Variants in AUTS2 observed in about 807,000 individuals in gnomAD.
The protein encoded by AUTS2 is autism susceptibility gene 2 protein.
AUTS2 carries 17 observed loss-of-function variants against 112.4 expected under a neutral mutation model. The ratio of observed to expected loss-of-function variants is 0.15; its 90% CI spans 0.10 to 0.23. The LOEUF (loss-of-function observed/expected upper bound fraction) is 0.23, where lower values mean the gene tolerates loss of function less well. Ranked by LOEUF, AUTS2 falls within the 10% of genes least tolerant of loss-of-function variation. AUTS2 has a pLI of 1.00. For missense variants in AUTS2, 1,510 were observed against 1,701.6 expected (o/e 0.89, Z 1.98); for synonymous variants, 751 against 702.7 (o/e 1.07, Z -1.09).
At chr7:70,027,270 C>G (rs1355633137) in intron 2 of AUTS2, among the ~76,000 whole-genome samples, 1 of 152,144 alleles carries the variant, frequency 6.6e-6, no homozygotes, top group East Asian at 1.9e-4. Context: ...TTTGGAAACT[C>G]TCTGTTGTTG....
intron 4 of AUTS2, among the ~76,000 whole-genome samples, chr7:70,150,987 T>C (rs533095970): frequency 9.7e-4 from 147 of 152,310 alleles, no homozygotes; most frequent in African/African-American, 3.3e-3. Flanking sequence ...TAAACAAATG[T>C]AGTCATCTCT....
At chr7:69,752,781 G>A (rs1433602947) in intron 1 of AUTS2, among the ~76,000 whole-genome samples, 1 of 152,130 alleles carries the variant, frequency 6.6e-6, no homozygotes, top group Non-Finnish European at 1.5e-5. Flanking sequence ...CTTTTTCAAT[G>A]GGAAAGGAGA....
chr7:70,415,049 A>G (rs569722609), intron 4 of AUTS2, among the ~76,000 whole-genome samples: 60 of 152,156 alleles, frequency 3.9e-4, no homozygotes, highest in African/African-American at 1.4e-3. Flanking sequence ...TCCCCAGGGT[A>G]CTCACCCATT....
intron 1 of AUTS2, among the ~76,000 whole-genome samples, chr7:69,746,986 G>T (rs943467489): frequency 6.6e-6 from 1 of 152,168 alleles, no homozygotes; most frequent in African/African-American, 2.4e-5. Flanking sequence ...GGCATTGTTG[G>T]CATTTTTGTG....
chr7:70,001,052 T>G (rs1799169501), intron 2 of AUTS2, among the ~76,000 whole-genome samples: 1 of 152,138 alleles, frequency 6.6e-6, no homozygotes, highest in African/African-American at 2.4e-5. Flanking sequence ...TATTGGTGGC[T>G]GGAAAAATAG....
chr7:70,695,268 G>A (rs970172027), intron 5 of AUTS2, among the ~76,000 whole-genome samples: 11 of 152,086 alleles, frequency 7.2e-5, no homozygotes, highest in Non-Finnish European at 1.0e-4. Context: ...TTCCTCCCTC[G>A]GCCGGCCGGG....
intron 1 of AUTS2, among the ~76,000 whole-genome samples, chr7:69,794,342 G>A (rs932873855): frequency 6.6e-6 from 1 of 152,198 alleles, no homozygotes; most frequent in African/African-American, 2.4e-5. Flanking sequence ...AGGTATTGGT[G>A]TTAGGCAAGA....
At chr7:69,678,593 G>A (rs1212389154) in intron 1 of AUTS2, among the ~76,000 whole-genome samples, 1 of 152,120 alleles carries the variant, frequency 6.6e-6, no homozygotes, top group Non-Finnish European at 1.5e-5. Flanking sequence ...GAGTTGGCCT[G>A]GAGTTTTCAG....
At chr7:69,828,514 G>T (rs1371233427) in intron 1 of AUTS2, among the ~76,000 whole-genome samples, 3 of 152,114 alleles carry the variant, frequency 2.0e-5, no homozygotes, top group African/African-American at 7.2e-5. Flanking sequence ...GGGACTTCTT[G>T]TTATGTGTGA....
chr7:69,659,530 G>A (rs1012707703), intron 1 of AUTS2, among the ~76,000 whole-genome samples: 1 of 142,436 alleles, frequency 7.0e-6, no homozygotes, highest in African/African-American at 2.6e-5. Flanking sequence ...CAACAGCTCT[G>A]CATGATAGGG....
intron 2 of AUTS2, among the ~76,000 whole-genome samples, chr7:70,100,315 T>C (rs1584721221): frequency 6.6e-6 from 1 of 152,202 alleles, no homozygotes; most frequent in Non-Finnish European, 1.5e-5. Flanking sequence ...TGGTCTTGCA[T>C]TTTTTATGAA....
intron 4 of AUTS2, among the ~76,000 whole-genome samples, chr7:70,144,316 T>G (rs1807012251): frequency 6.6e-6 from 1 of 152,120 alleles, no homozygotes; most frequent in African/African-American, 2.4e-5. Context: ...TTTAGTTCTC[T>G]TAGAATTTTT....
chr7:69,731,015 GCTGGGCATAGTTGCT>G (rs1786768526), intron 1 of AUTS2, among the ~76,000 whole-genome samples: 1 of 152,180 alleles, frequency 6.6e-6, no homozygotes, highest in Non-Finnish European at 1.5e-5. Flanking sequence ...TGGGCTTTGG[GCTGGGCATAGTTGCT>G]CATGCCTGTA....
At chr7:69,623,366 C>G (rs1464840971) in intron 1 of AUTS2, among the ~76,000 whole-genome samples, 1 of 149,340 alleles carries the variant, frequency 6.7e-6, no homozygotes. Flanking sequence ...GGGACTACCA[C>G]CACCACGCCC....
chr7:70,055,676 G>C (rs1236186013), intron 2 of AUTS2, among the ~76,000 whole-genome samples: 1 of 152,084 alleles, frequency 6.6e-6, no homozygotes, highest in Non-Finnish European at 1.5e-5. Context: ...AGGTTAAACA[G>C]GTTTTTACAC....
chr7:70,239,027 G>C (rs1194631862), intron 4 of AUTS2, among the ~76,000 whole-genome samples: 1 of 152,186 alleles, frequency 6.6e-6, no homozygotes, highest in African/African-American at 2.4e-5. Flanking sequence ...TAATAGAGAT[G>C]CCTGAGCAGA....
At chr7:70,098,440 G>C (rs1297344271) in intron 2 of AUTS2, among the ~76,000 whole-genome samples, 1 of 152,092 alleles carries the variant, frequency 6.6e-6, no homozygotes, top group Admixed American at 6.6e-5. Context: ...GGGGAGAGTG[G>C]ATATGCTTAG....
At chr7:69,662,521 G>A (rs969438631) in intron 1 of AUTS2, among the ~76,000 whole-genome samples, 1 of 152,164 alleles carries the variant, frequency 6.6e-6, no homozygotes, top group Non-Finnish European at 1.5e-5. Context: ...CCAAGTGAGG[G>A]ACAGGATCAC....
Position 70,262,981 on chromosome 7 carries a change from C to G in AUTS2, c.660+128410C>G, listed in dbSNP as rs73432979. ...GAAACTTCCAAATAAATTAATTTGA[C>G]AAATATACATAAACTTCAGTAAATT... On this transcript the variant is annotated intron_variant, in intron 4 of 18. Coordinates refer to ENST00000342771, the MANE Select transcript of AUTS2 (RefSeq NM_015570.4). Among the ~76,000 whole-genome samples the G allele has an allele frequency of 5.7e-3, 874 of 152,160 alleles. 10 individuals carry two copies. The highest frequency in any genetic ancestry group is 0.02 in the African/African-American group (827 of 41,520).
Sources: allele counts gnomAD v4.1 joint callset (sites outside exome capture counted in the v4.1 genomes callset), GRCh38; gene constraint gnomAD v4.1.1; transcripts MANE v1.5; gene names NCBI Gene and HGNC (gene_info 2026-07-23, HGNC 2026-07-21).